The following FAM135B variants were observed in gnomAD, a reference collection of about 807,000 sequenced individuals.
The protein encoded by FAM135B is protein FAM135B.
In FAM135B, 43 loss-of-function variants were observed where a neutral mutation model predicts 127.7. The observed-to-expected ratio is 0.34, with a 90% CI of 0.26 to 0.43. The LOEUF (loss-of-function observed/expected upper bound fraction) is 0.43, where lower values mean the gene tolerates loss of function less well. FAM135B is among the 20% of genes least tolerant of loss of function. FAM135B has a pLI of 1.00. For synonymous variants in FAM135B, 670 were observed against 665.1 expected (o/e 1.01, Z -0.11); for missense variants, 1,558 against 1,725.6 (o/e 0.90, Z 1.72).
intron 12 of FAM135B, among the ~76,000 whole-genome samples, chr8:138,153,852 C>G (rs182898351): frequency 0.016 from 2,434 of 152,296 alleles, 23 homozygotes; most frequent in Non-Finnish European, 0.028. Context: ...TAGACTCCAC[C>G]TCTCGGGGCA....
intron 12 of FAM135B, among the ~76,000 whole-genome samples, chr8:138,161,836 T>C (rs903044804): frequency 1.3e-5 from 2 of 152,202 alleles, no homozygotes; most frequent in Non-Finnish European, 2.9e-5. Flanking sequence ...TTACATGCAG[T>C]GTGATATATC....
intron 9 of FAM135B, among the ~76,000 whole-genome samples, chr8:138,184,246 G>A (rs1815347982): frequency 6.6e-6 from 1 of 152,190 alleles, no homozygotes; most frequent in African/African-American, 2.4e-5. Flanking sequence ...TGTGCAGGAG[G>A]GCTGGGGCAC....
intron 1 of FAM135B, among the ~76,000 whole-genome samples, chr8:138,423,387 C>T (rs956767436): frequency 2.6e-5 from 4 of 152,104 alleles, no homozygotes; most frequent in Non-Finnish European, 4.4e-5. Context: ...TCTATTTTCC[C>T]TAAGCATCAG....
At chr8:138,443,296 C>A (rs866573552) in intron 1 of FAM135B, among the ~76,000 whole-genome samples, 3 of 152,120 alleles carry the variant, frequency 2.0e-5, no homozygotes, top group Non-Finnish European at 2.9e-5. Context: ...TTCAAATATT[C>A]TTTTCTTTTT....
At chr8:138,335,369 T>C (rs1194488800) in intron 2 of FAM135B, among the ~76,000 whole-genome samples, 4 of 152,182 alleles carry the variant, frequency 2.6e-5, no homozygotes, top group African/African-American at 9.7e-5. Context: ...AGTTGTGCAA[T>C]ATGGCATACG....
intron 12 of FAM135B, among the ~76,000 whole-genome samples, chr8:138,157,507 G>A (rs1015566141): frequency 3.3e-5 from 5 of 152,144 alleles, no homozygotes; most frequent in African/African-American, 1.2e-4. Context: ...AAGTCAAATT[G>A]TCTCTGTTTG....
intron 2 of FAM135B, among the ~76,000 whole-genome samples, chr8:138,347,330 A>G (rs1277305000): frequency 6.6e-6 from 1 of 152,216 alleles, no homozygotes; most frequent in Non-Finnish European, 1.5e-5. Flanking sequence ...TGTGGTATCA[A>G]TGATCCATGA....
chr8:138,152,689 C>T lies in FAM135B; in HGVS notation c.1786G>A (p.Val596Ile), dbSNP rs1373907902. The change falls in exon 13 of 20, where the codon GTA becomes ATA. Residue 596 changes from valine to isoleucine, a missense_variant. Coordinates refer to ENST00000395297, the MANE Select transcript of FAM135B (RefSeq NM_015912.4). ...GCATTTTGGTGGCTTCCACCTACTA[C>T]CACTTTGCTTAGCCCAGTCCTGTCT... ...GLDRTGLSKVVVGGSHQNAIS... is the reference protein window; with the variant it reads ...GLDRTGLSKVIVGGSHQNAIS... 1.9e-6 allele frequency: 3 copies of T among 1,614,054 alleles called. No individual in the cohort carries two copies. Among genetic ancestry groups the T allele is most frequent in the Non-Finnish European group, 2.5e-6 (3 of 1,180,038 alleles).
chr8:138,425,562 G>A (rs536865621), intron 1 of FAM135B: 122 of 152,072 alleles, frequency 8.0e-4, no homozygotes, highest in African/African-American at 2.7e-3. Context: ...GAATCCTATT[G>A]TTCAGAGCAG....
chr8:138,473,117 T>C (rs576648931), intron 1 of FAM135B, among the ~76,000 whole-genome samples: 5 of 152,276 alleles, frequency 3.3e-5, no homozygotes, highest in African/African-American at 9.6e-5. Context: ...CATTAGACTG[T>C]GATCATGTGA....
intron 7 of FAM135B, among the ~76,000 whole-genome samples, chr8:138,206,413 C>T (rs112278600): frequency 0.032 from 4,132 of 129,612 alleles, no homozygotes; most frequent in Non-Finnish European, 0.041. Flanking sequence ...CTCTATCGTC[C>T]CCTCCACCTA....
chr8:138,427,529 T>C (rs1189312958), intron 1 of FAM135B, among the ~76,000 whole-genome samples: 1 of 151,874 alleles, frequency 6.6e-6, no homozygotes, highest in Non-Finnish European at 1.5e-5. Context: ...TAAGTGAAAG[T>C]GAGAATGAAA....
Position 138,152,113 on chromosome 8 carries a change from T to C in FAM135B, c.2362A>G (p.Thr788Ala), listed in dbSNP as rs1324436839. ...SPEEAAEDAD[T>A]KQQDGGFAEP... ...GCAAAACCTCCATCTTGCTGCTTGGTGTCCGCATCTTCAGCAGCCTCCTCT... is the reference window on the plus strand; with the variant it reads ...GCAAAACCTCCATCTTGCTGCTTGGCGTCCGCATCTTCAGCAGCCTCCTCT... Residue 788 changes from threonine to alanine, a missense_variant, in exon 13 of 20, where the codon ACC becomes GCC. Physicochemically the swap from Thr to Ala is moderately conservative, Grantham distance 58. Coordinates refer to ENST00000395297, the MANE Select transcript of FAM135B (RefSeq NM_015912.4). The C allele has an allele frequency of 1.2e-6, 2 of 1,613,950 alleles. No individual in the cohort carries two copies. Among genetic ancestry groups the C allele is most frequent in the African/African-American group, 1.3e-5 (1 of 75,040 alleles).
chr8:138,244,230 C>A (rs1346673218), intron 6 of FAM135B, among the ~76,000 whole-genome samples: 1 of 150,828 alleles, frequency 6.6e-6, no homozygotes, highest in Non-Finnish European at 1.5e-5. Flanking sequence ...CAAAGGAAAC[C>A]AATAGATGTA....
chr8:138,337,927 C>T (rs1828734790), intron 2 of FAM135B, among the ~76,000 whole-genome samples: 1 of 151,842 alleles, frequency 6.6e-6, no homozygotes, highest in African/African-American at 2.4e-5. Flanking sequence ...ACCAATGGAA[C>T]AGAAGAGAGC....
intron 1 of FAM135B, among the ~76,000 whole-genome samples, chr8:138,399,613 A>G (rs1227367129): frequency 6.6e-6 from 1 of 152,196 alleles, no homozygotes; most frequent in Non-Finnish European, 1.5e-5. Flanking sequence ...TCCCTTGGGA[A>G]AAAAGGCTAA....
Position 138,300,250 on chromosome 8 carries a change from G to GT in FAM135B, c.157+10590dup, listed in dbSNP as rs1388430974. On this transcript the variant is annotated intron_variant, in intron 3 of 19. Coordinates refer to ENST00000395297, the MANE Select transcript of FAM135B (RefSeq NM_015912.4). ...TATACCCGTGTCCCTCCCACTGTGT[G>GT]TTCCTTGGGAATAATTAAAAAAAAA... Among the ~76,000 whole-genome samples the GT allele has an allele frequency of 5.0e-5, 6 of 119,548 alleles. No homozygotes were observed. The East Asian group carries it at 1.3e-3, about 26-fold the overall frequency. The allele number at this position is 119,548 out of a possible 152,430, so 78.4% of individuals were successfully genotyped here. A position where few individuals can be genotyped will look rare whatever the true frequency, so the allele number is the denominator to read the frequency against.
intron 9 of FAM135B, among the ~76,000 whole-genome samples, chr8:138,181,413 A>G (rs1416147225): frequency 6.6e-6 from 1 of 152,066 alleles, no homozygotes; most frequent in East Asian, 1.9e-4. Context: ...CTTATGCATC[A>G]GCACGTGGCA....
chr8:138,473,169 G>A (rs1419434681), intron 1 of FAM135B, among the ~76,000 whole-genome samples: 1 of 152,078 alleles, frequency 6.6e-6, no homozygotes, highest in African/African-American at 2.4e-5. Context: ...CATTAATAAT[G>A]AGAGAAAGCA....
Sources: gnomAD v4.1 joint callset for allele counts (sites outside exome capture counted in the v4.1 genomes callset) on GRCh38, gnomAD v4.1.1 for gene constraint, MANE v1.5 for transcripts, NCBI Gene and HGNC (gene_info 2026-07-23, HGNC 2026-07-21) for gene names.